The following BMPR1A variants were observed in gnomAD, a reference collection of about 807,000 sequenced individuals.
The protein encoded by BMPR1A is bone morphogenetic protein receptor type-1A.
A neutral mutation model predicts 66.0 loss-of-function variants in BMPR1A; 7 were observed. That is an observed-to-expected ratio of 0.11 (90% confidence interval 0.06 to 0.20). BMPR1A has a LOEUF of 0.20. Ranked by LOEUF, BMPR1A falls within the 10% of genes least tolerant of loss-of-function variation. The probability of loss-of-function intolerance (pLI) is 1.00; values close to 1 mark genes in which losing one functional copy is unlikely to be tolerated. For synonymous variants in BMPR1A, 200 were observed against 229.7 expected (o/e 0.87, Z 1.17); for missense variants, 408 against 669.1 (o/e 0.61, Z 4.31).
chr10:86,796,781 G>A (rs1170155511), intron 1 of BMPR1A, among the ~76,000 whole-genome samples: 8 of 151,548 alleles, frequency 5.3e-5, no homozygotes, highest in Non-Finnish European at 1.2e-4. Context: ...CCATGTCACC[G>A]AGACTGAGTT....
intron 2 of BMPR1A, among the ~76,000 whole-genome samples, chr10:86,868,778 G>GTTTTTTTTTTTTTTTT (rs55872033): frequency 2.0e-4 from 28 of 141,038 alleles, no homozygotes; most frequent in Non-Finnish European, 2.6e-4. Flanking sequence ...CTTTTCCTGT[G>GTTTTTTTTTTTTTTTT]TTTTTTTTTT....
rs181059238 is a variant in BMPR1A at position 86,796,120 on chromosome 10, A to G, written c.-268+39201A>G. Among the ~76,000 whole-genome samples the G allele has an allele frequency of 6.7e-4, 102 of 152,314 alleles. 1 individual carries two copies. In the East Asian group the frequency reaches 0.018, roughly 27 times the overall value. ...AAAAACGTCATAAAATCCCAGTGCC[A>G]TATTCTGAATATTAATTTGACTGTT... On this transcript the variant is annotated intron_variant, in intron 1 of 12. Coordinates refer to ENST00000372037, the MANE Select transcript of BMPR1A (RefSeq NM_004329.3).
At chr10:86,853,045 ATAC>A (rs1179299214) in intron 2 of BMPR1A, among the ~76,000 whole-genome samples, 10 of 152,224 alleles carry the variant, frequency 6.6e-5, no homozygotes, top group Non-Finnish European at 1.3e-4. Flanking sequence ...AGTACAAATA[ATAC>A]TGAGGATATA....
At chr10:86,868,469 C>A (rs971761218) in intron 2 of BMPR1A, among the ~76,000 whole-genome samples, 21 of 152,308 alleles carry the variant, frequency 1.4e-4, no homozygotes, top group African/African-American at 4.8e-4. Context: ...TATGCTAATC[C>A]AGGCCCTGGA....
intron 1 of BMPR1A, among the ~76,000 whole-genome samples, chr10:86,837,566 CT>C (rs1298392742): frequency 6.6e-6 from 1 of 152,176 alleles, no homozygotes; most frequent in African/African-American, 2.4e-5. Flanking sequence ...TAGTGCATTT[CT>C]TTTCTTGATT....
intron 5 of BMPR1A, among the ~76,000 whole-genome samples, chr10:86,894,828 C>T (rs1843202613): frequency 6.6e-6 from 1 of 152,164 alleles, no homozygotes. Flanking sequence ...CATGCTGTTA[C>T]CCATATCCCT....
rs759424209 is a variant in BMPR1A, at chr10:86,884,394, A to ATTTTTTT, written c.68-5637_68-5631dup. Reference sequence around the variant, plus strand: ...AGCCACCATGCCTGGCAAACACATGATTTTTTTTTTTTTTTTTTTTTTTTT... The same window carrying ATTTTTTT: ...AGCCACCATGCCTGGCAAACACATGATTTTTTTTTTTTTTTTTTTTTTTTTTTTTTTT... On this transcript the variant is annotated intron_variant, in intron 3 of 12. Transcript: ENST00000372037. 4.8e-3 allele frequency among the ~76,000 whole-genome samples: 236 copies of ATTTTTTT among 49,346 alleles called. 67 individuals are homozygous for ATTTTTTT. The highest frequency in any genetic ancestry group is 8.7e-3 in the Non-Finnish European group (195 of 22,330). The allele number at this position is 49,346 out of a possible 152,430, so 32.4% of individuals were successfully genotyped here.
At chr10:86,822,876 C>T (rs956657897) in intron 1 of BMPR1A, among the ~76,000 whole-genome samples, 5 of 151,926 alleles carry the variant, frequency 3.3e-5, no homozygotes, top group Non-Finnish European at 5.9e-5. Flanking sequence ...GTGATATGCC[C>T]GCCTCAGCCT....
rs181492758 is a variant in BMPR1A, at chr10:86,853,889, G to T, written c.-153+14910G>T. On this transcript the variant is annotated intron_variant, in intron 2 of 12. Transcript: ENST00000372037. ...AAATTAAAATTGCTAATGAAGTTTC[G>T]GGCACCATTGTCATTGATAACATCT... Among the ~76,000 whole-genome samples the T allele has an allele frequency of 3.3e-5, 5 of 152,230 alleles. No homozygotes were observed. In the East Asian group the frequency reaches 9.7e-4, roughly 29 times the overall value.
At chr10:86,800,659 C>G (rs2132858768) in intron 1 of BMPR1A, among the ~76,000 whole-genome samples, 1 of 152,306 alleles carries the variant, frequency 6.6e-6, no homozygotes, top group Non-Finnish European at 1.5e-5. Flanking sequence ...TCCCAAAGTG[C>G]TGGGATTACA....
At chr10:86,760,480 C>T (rs920419985) in intron 1 of BMPR1A, among the ~76,000 whole-genome samples, 2 of 151,930 alleles carry the variant, frequency 1.3e-5, no homozygotes, top group Non-Finnish European at 2.9e-5. Context: ...TCAGTTGATC[C>T]GCTCGCCTCA....
At chr10:86,821,779 TC>T (rs1017595948) in intron 1 of BMPR1A, among the ~76,000 whole-genome samples, 1 of 151,904 alleles carries the variant, frequency 6.6e-6, no homozygotes, top group African/African-American at 2.4e-5. Context: ...TTCTTTTTTC[TC>T]CCCCCTCCCC....
At chr10:86,832,210 G>A (rs1457658453) in intron 1 of BMPR1A, among the ~76,000 whole-genome samples, 1 of 152,088 alleles carries the variant, frequency 6.6e-6, no homozygotes, top group African/African-American at 2.4e-5. Flanking sequence ...GCTCATACCT[G>A]TAATCCCAGC....
chr10:86,917,040 A>G, intron 8 of BMPR1A, 94 bp from the exon 9 acceptor site: 2 of 1,370,558 alleles, frequency 1.5e-6, no homozygotes, highest in Non-Finnish European at 2.1e-6. Flanking sequence ...TTGGTTGGGT[A>G]CACCATGCTT....
At chr10:86,852,206 A>G (rs528396702) in intron 2 of BMPR1A, among the ~76,000 whole-genome samples, 1 of 152,324 alleles carries the variant, frequency 6.6e-6, no homozygotes, top group African/African-American at 2.4e-5. Flanking sequence ...GTTCTTATAC[A>G]TTTCAAATAA....
intron 1 of BMPR1A, among the ~76,000 whole-genome samples, chr10:86,825,163 G>A (rs140480163): frequency 1.8e-4 from 27 of 151,422 alleles, no homozygotes; most frequent in African/African-American, 5.8e-4. Context: ...GAGTGCAATG[G>A]CGTGATCATT....
chr10:86,910,678 A>G (rs1049758205), intron 7 of BMPR1A, among the ~76,000 whole-genome samples: 21 of 152,194 alleles, frequency 1.4e-4, no homozygotes, highest in Non-Finnish European at 2.5e-4. Flanking sequence ...TTACCCATAT[A>G]AAGTTTTAAA....
chr10:86,838,161 G>A (rs1842377904), intron 1 of BMPR1A, among the ~76,000 whole-genome samples: 2 of 152,198 alleles, frequency 1.3e-5, no homozygotes, highest in East Asian at 1.9e-4. Flanking sequence ...CCCAGGAGGC[G>A]GAAGTTGCAG....
chr10:86,835,363 A>C (rs1416354063), intron 1 of BMPR1A, among the ~76,000 whole-genome samples: 1 of 151,232 alleles, frequency 6.6e-6, no homozygotes, highest in African/African-American at 2.4e-5. Context: ...CAGGAGTTCA[A>C]GACCAGCCTG....
Sources: allele counts gnomAD v4.1 joint callset (sites outside exome capture counted in the v4.1 genomes callset), GRCh38; gene constraint gnomAD v4.1.1; transcripts MANE v1.5; gene names NCBI Gene and HGNC (gene_info 2026-07-23, HGNC 2026-07-21).